CLASP1: variants seen among roughly 807,000 people sequenced by gnomAD.
CLASP1 encodes CLIP-associating protein 1.
CLASP1 carries 38 observed loss-of-function variants against 192.3 expected under a neutral mutation model. That is an observed-to-expected ratio of 0.20 (90% CI 0.15 to 0.26). The LOEUF is 0.26. Ranked by LOEUF, CLASP1 falls within the 10% of genes least tolerant of loss-of-function variation. CLASP1 has a pLI of 1.00. For missense variants in CLASP1, 1,433 were observed against 1,932.5 expected (o/e 0.74, Z 4.85); for synonymous variants, 691 against 712.8 (o/e 0.97, Z 0.49).
At chr2:121,585,974 T>C (rs894959554) in intron 2 of CLASP1, among the ~76,000 whole-genome samples, 13 of 149,502 alleles carry the variant, frequency 8.7e-5, no homozygotes, top group African/African-American at 3.0e-4. Flanking sequence ...GGGGAAAAAA[T>C]AGTGACTTCT....
At chr2:121,384,110 A>G (rs779872357) in intron 32 of CLASP1, among the ~76,000 whole-genome samples, 53 of 136,370 alleles carry the variant, frequency 3.9e-4, no homozygotes, top group Admixed American at 8.7e-4. Flanking sequence ...ATATATATGT[A>G]TATATATATA....
At chr2:121,418,557 G>T in intron 23 of CLASP1, 65 bp downstream of exon 23, 1 of 1,096,254 alleles carries the variant, frequency 9.1e-7, no homozygotes, top group Non-Finnish European at 1.4e-6. Context: ...ATTCCGCCTA[G>T]CAGTGTCTCG....
At chr2:121,529,237 G>A (rs1008444835) in intron 3 of CLASP1, among the ~76,000 whole-genome samples, 2 of 152,130 alleles carry the variant, frequency 1.3e-5, no homozygotes, top group African/African-American at 4.8e-5. Flanking sequence ...ACACACATGA[G>A]ACAGAGCCCA....
intron 23 of CLASP1, among the ~76,000 whole-genome samples, chr2:121,416,850 C>T (rs528008644): frequency 5.9e-5 from 9 of 152,288 alleles, no homozygotes; most frequent in Admixed American, 3.3e-4. Flanking sequence ...GATGATAATA[C>T]CTGTCCCAGA....
chr2:121,637,321 A>G (rs1161074038), intron 1 of CLASP1, among the ~76,000 whole-genome samples: 1 of 152,126 alleles, frequency 6.6e-6, no homozygotes, highest in African/African-American at 2.4e-5. Context: ...CAAACTATAA[A>G]TGCCACTCAG....
chr2:121,621,613 T>C (rs78563200), intron 1 of CLASP1, among the ~76,000 whole-genome samples: 2,485 of 152,348 alleles, frequency 0.016, 71 homozygotes, highest in African/African-American at 0.057. Flanking sequence ...TGAAAATCAA[T>C]TGACCATAAA....
At chr2:121,546,083 T>C (rs1238466328) in intron 2 of CLASP1, among the ~76,000 whole-genome samples, 1 of 152,186 alleles carries the variant, frequency 6.6e-6, no homozygotes, top group Non-Finnish European at 1.5e-5. Flanking sequence ...TTCAAGGCCC[T>C]TTCCCTTTCA....
chr2:121,451,112 G>T, intron 15 of CLASP1, 122 bp from the exon 16 acceptor site: 1 of 700,442 alleles, frequency 1.4e-6, no homozygotes, highest in Admixed American at 2.5e-5. Flanking sequence ...TGCCAAGGCT[G>T]GTCAGTTCCC....
At chr2:121,440,475 G>A (rs528207825) in intron 19 of CLASP1, among the ~76,000 whole-genome samples, 1 of 152,336 alleles carries the variant, frequency 6.6e-6, no homozygotes, top group South Asian at 2.1e-4. Flanking sequence ...CAAGGCACGA[G>A]GGTCACTTGA....
Position 121,445,601 on chromosome 2 carries a change from T to A in CLASP1, c.1912+1736A>T, listed in dbSNP as rs944496649. 9.6e-6 allele frequency: 5 copies of A among 520,584 alleles called. No individual in the cohort carries two copies. The Admixed American group carries it at 1.5e-4, about 16-fold the overall frequency. The allele number at this position is 520,584 out of a possible 1,614,324, so 32.2% of individuals were successfully genotyped here. A position where few individuals can be genotyped will look rare whatever the true frequency, so the allele number is the denominator to read the frequency against. ...TAACAAATTCTCACTAGGATTGTGC[T>A]ATATTTCAATTTTTTGGTGTTTTTG... On this transcript the variant is annotated intron_variant, in intron 19 of 39. Transcript: ENST00000263710.
chr2:121,407,455 T>C lies in CLASP1; in HGVS notation c.2669+16A>G. 6.2e-7 allele frequency: 1 copy of C among 1,613,364 alleles called. No individual in the cohort carries two copies. The highest frequency in any genetic ancestry group is 8.5e-7 in the Non-Finnish European group (1 of 1,179,548). ...GGAGATTCAAACTTAGCTCATATTC[T>C]TGCTGTGGTCCTCACCTCAGTGTTC... On this transcript the variant is annotated intron_variant, in intron 25 of 39. Transcript: ENST00000263710.
At chr2:121,648,963 G>A (rs1168501405) in intron 1 of CLASP1, among the ~76,000 whole-genome samples, 1 of 152,182 alleles carries the variant, frequency 6.6e-6, no homozygotes, top group African/African-American at 2.4e-5. Flanking sequence ...ATGACTAGTT[G>A]TTGTGGGTTT....
intron 8 of CLASP1, among the ~76,000 whole-genome samples, chr2:121,492,320 C>T (rs754158746): frequency 7.5e-6 from 1 of 134,048 alleles, no homozygotes; most frequent in Non-Finnish European, 1.5e-5. Flanking sequence ...ACCCGGGAGG[C>T]GGAGCTTGCA....
In CLASP1 at chr2:121,365,300, A is replaced by G; in HGVS notation, c.3887-16T>C. 6.2e-7 allele frequency: 1 copy of G among 1,607,182 alleles called. No individual in the cohort carries two copies. Among genetic ancestry groups the G allele is most frequent in the South Asian group, 1.1e-5 (1 of 89,928 alleles). On this transcript the variant is annotated splice_polypyrimidine_tract_variant and intron_variant, in intron 35 of 39. Coordinates refer to ENST00000263710, the Ensembl canonical transcript of CLASP1. ...TCGATGGGCACTGGTGAAACACACC[A>G]GACATACGTCACCTCGTGAGGAAAT...
intron 2 of CLASP1, chr2:121,531,005 A>C (rs1053541578): frequency 2.9e-6 from 2 of 700,228 alleles, no homozygotes; most frequent in African/African-American, 3.5e-5. Flanking sequence ...AATTTTTGGA[A>C]AAATGAAAAC....
chr2:121,441,272 T>C (rs1036323742), intron 19 of CLASP1, among the ~76,000 whole-genome samples: 4 of 152,214 alleles, frequency 2.6e-5, no homozygotes, highest in African/African-American at 9.6e-5. Flanking sequence ...TCTGTTCTCA[T>C]CACACTGGGA....
At chr2:121,543,697 C>T (rs1306316977) in intron 2 of CLASP1, among the ~76,000 whole-genome samples, 1 of 152,132 alleles carries the variant, frequency 6.6e-6, no homozygotes, top group African/African-American at 2.4e-5. Context: ...GGTCTCCAGC[C>T]TCCTAATTTC....
chr2:121,597,565 C>G (rs1263371866), intron 2 of CLASP1, among the ~76,000 whole-genome samples: 3 of 152,132 alleles, frequency 2.0e-5, no homozygotes, highest in Admixed American at 6.6e-5. Context: ...TGAAACATAG[C>G]CTAGCCAGGT....
chr2:121,369,504 C>T (rs570939476), intron 34 of CLASP1, among the ~76,000 whole-genome samples: 1 of 151,090 alleles, frequency 6.6e-6, no homozygotes, highest in South Asian at 2.1e-4. Context: ...TTAAAAAAAA[C>T]AAAAAAAGAG....
Sources: allele counts gnomAD v4.1 joint callset (sites outside exome capture counted in the v4.1 genomes callset), GRCh38; gene constraint gnomAD v4.1.1; transcripts MANE v1.5; gene names NCBI Gene and HGNC (gene_info 2026-07-23, HGNC 2026-07-21).